The following PMP22 variants were observed in gnomAD, a reference collection of about 807,000 sequenced individuals.
PMP22 encodes peripheral myelin protein 22.
PMP22 carries 2 observed loss-of-function variants against 18.9 expected under a neutral mutation model. The ratio of observed to expected loss-of-function variants is 0.11; its 90% CI spans 0.04 to 0.33. PMP22 has a LOEUF of 0.33. Ranked by LOEUF, PMP22 falls within the 10% of genes least tolerant of loss-of-function variation. The probability of loss-of-function intolerance (pLI) is 1.00; values close to 1 mark genes in which losing one functional copy is unlikely to be tolerated. For missense variants in PMP22, 169 were observed against 202.2 expected (o/e 0.84, Z 1.00); for synonymous variants, 95 against 89.2 (o/e 1.07, Z -0.37).
chr17:15,235,210 G>A (rs1327943007), intron 4 of PMP22: 1 of 717,454 alleles, frequency 1.4e-6, no homozygotes, highest in Non-Finnish European at 2.6e-6. Context: ...GAGAGAAAGT[G>A]AAACTCACTC....
At chr17:15,262,028 C>T (rs1444547124) in intron 1 of PMP22, among the ~76,000 whole-genome samples, 1 of 152,206 alleles carries the variant, frequency 6.6e-6, no homozygotes, top group Admixed American at 6.5e-5. Flanking sequence ...TGATGACTCC[C>T]AGAGGGTTTG....
chr17:15,236,240 T>C (rs991061671), intron 4 of PMP22, among the ~76,000 whole-genome samples: 4 of 152,140 alleles, frequency 2.6e-5, no homozygotes, highest in Admixed American at 6.6e-5. Context: ...AGAGATAATT[T>C]GGCAAACCAT....
chr17:15,246,401 C>T (rs1907821649), intron 3 of PMP22, among the ~76,000 whole-genome samples: 1 of 152,206 alleles, frequency 6.6e-6, no homozygotes, highest in Non-Finnish European at 1.5e-5. Flanking sequence ...GACATGCAAG[C>T]TATTATCTGC....
chr17:15,260,860 T>C (rs1909273876), intron 1 of PMP22, 99 bp from the exon 2 acceptor site: 2 of 861,334 alleles, frequency 2.3e-6, no homozygotes, highest in Non-Finnish European at 3.7e-6. Context: ...AGGCCCGGCC[T>C]GGCCCAGCGC....
At chr17:15,237,753 G>A (rs149438692) in intron 4 of PMP22, among the ~76,000 whole-genome samples, 135 of 152,218 alleles carry the variant, frequency 8.9e-4, no homozygotes, top group African/African-American at 3.0e-3. Context: ...GTAAAATAAC[G>A]AGCCTGTACA....
intron 4 of PMP22, among the ~76,000 whole-genome samples, chr17:15,236,610 G>A (rs191885361): frequency 1.3e-5 from 2 of 150,866 alleles, no homozygotes; most frequent in East Asian, 2.0e-4. Flanking sequence ...CTACTTCCTT[G>A]ATGTTAAGTT....
chr17:15,250,077 G>A (rs1414272372), intron 3 of PMP22, among the ~76,000 whole-genome samples: 1 of 152,114 alleles, frequency 6.6e-6, no homozygotes, highest in Admixed American at 6.6e-5. Flanking sequence ...CACCACGCCC[G>A]GCTAATTTTG....
chr17:15,240,019 C>T (rs1472423948), intron 3 of PMP22, among the ~76,000 whole-genome samples: 1 of 152,046 alleles, frequency 6.6e-6, no homozygotes, highest in Non-Finnish European at 1.5e-5. Flanking sequence ...CACATGTGAA[C>T]ATTCAGGGAA....
At position 15,258,603 on chromosome 17, in the gene PMP22, C is replaced by T. The variant is rs1567717616; in HGVS notation, c.178+491G>A. 2 of 212,720 alleles carry T rather than the reference C, an allele frequency of 9.4e-6. No individual in the cohort carries two copies. Among genetic ancestry groups the T allele is most frequent in the East Asian group, 2.1e-4 (2 of 9,686 alleles). 13.2% of individuals were successfully genotyped at this position (212,720 alleles called of 1,614,324 possible). On this transcript the variant is annotated intron_variant, in intron 3 of 4. Coordinates refer to ENST00000312280, the MANE Select transcript of PMP22 (RefSeq NM_000304.4). The surrounding 1 kb of genome is among the most constrained non-coding windows in gnomAD (Gnocchi z 4.1). ...AAGGTTTTGATGCTAGGTGGCATCA[C>T]TGAGGCCCAAGACCTGGAAAGGCAG...
intron 3 of PMP22, among the ~76,000 whole-genome samples, chr17:15,239,925 T>A (rs1045758182): frequency 6.6e-6 from 1 of 152,132 alleles, no homozygotes; most frequent in Non-Finnish European, 1.5e-5. Flanking sequence ...TATGTACAAA[T>A]ATGCATACAA....
intron 2 of PMP22, 37 bp downstream of exon 2, chr17:15,260,613 G>A: frequency 2.6e-6 from 4 of 1,527,696 alleles, no homozygotes; most frequent in Non-Finnish European, 3.6e-6. Context: ...ATGGGGAAGG[G>A]CGGGCCGCGC....
chr17:15,249,542 G>C (rs1908138676), intron 3 of PMP22, among the ~76,000 whole-genome samples: 1 of 152,178 alleles, frequency 6.6e-6, no homozygotes, highest in Non-Finnish European at 1.5e-5. Context: ...AAAAACTAGA[G>C]AGGGTGGAAG....
chr17:15,238,005 A>G (rs1906958428), intron 4 of PMP22, among the ~76,000 whole-genome samples: 1 of 152,162 alleles, frequency 6.6e-6, no homozygotes, highest in African/African-American at 2.4e-5. Context: ...GTGAGAAAAA[A>G]AAAAAGAAAC....
intron 2 of PMP22, 134 bp from the exon 3 acceptor site, chr17:15,259,327 G>C (rs989083450): frequency 1.4e-6 from 1 of 728,334 alleles, no homozygotes; most frequent in Admixed American, 2.0e-5. Context: ...TGCATGGTAA[G>C]AGCCAACGTT....
chr17:15,245,379 G>C (rs551156611), intron 3 of PMP22, among the ~76,000 whole-genome samples: 25 of 152,176 alleles, frequency 1.6e-4, no homozygotes, highest in African/African-American at 5.8e-4. Flanking sequence ...CACGTGCAAA[G>C]CCTGACTCTC....
chr17:15,235,836 T>C (rs575319174), intron 4 of PMP22, among the ~76,000 whole-genome samples: 12 of 152,202 alleles, frequency 7.9e-5, no homozygotes, highest in African/African-American at 2.4e-4. Context: ...CACTGCAACC[T>C]CCACCTCCTA....
chr17:15,247,136 A>G (rs183277339), intron 3 of PMP22, among the ~76,000 whole-genome samples: 3,802 of 147,398 alleles, frequency 0.026, 158 homozygotes, highest in African/African-American at 0.085. Context: ...TTGGGAGGCC[A>G]AGGCGGGTGG....
intron 3 of PMP22, among the ~76,000 whole-genome samples, chr17:15,247,537 CAT>C (rs1379874369): frequency 6.6e-6 from 1 of 152,182 alleles, no homozygotes; most frequent in East Asian, 1.9e-4. Flanking sequence ...GATCAAAGCT[CAT>C]TTCAAGGTCA....
At chr17:15,256,952 G>C (rs946492035) in intron 3 of PMP22, among the ~76,000 whole-genome samples, 1 of 152,184 alleles carries the variant, frequency 6.6e-6, no homozygotes, top group Admixed American at 6.5e-5. Flanking sequence ...TTCAAATTTA[G>C]ATTAAGCCTG....
Sources: gnomAD v4.1 joint callset for allele counts (sites outside exome capture counted in the v4.1 genomes callset) on GRCh38, gnomAD v4.1.1 for gene constraint, Gnocchi (gnomAD v3.1) non-coding constraint, MANE v1.5 for transcripts, NCBI Gene and HGNC (gene_info 2026-07-23, HGNC 2026-07-21) for gene names.